Variants in TRANK1 observed in about 807,000 individuals in gnomAD.
The protein encoded by TRANK1 is TPR and ankyrin repeat-containing protein 1.
TRANK1 carries 198 observed loss-of-function variants against 266.0 expected under a neutral mutation model. That is an observed-to-expected ratio of 0.74 (90% CI 0.66 to 0.84). The LOEUF is 0.84. Ranked by LOEUF, TRANK1 falls within the 40% of genes least tolerant of loss-of-function variation. The probability of loss-of-function intolerance (pLI) is 0.00; values close to 1 mark genes in which losing one functional copy is unlikely to be tolerated. For missense variants in TRANK1, 3,326 were observed against 3,634.6 expected (o/e 0.92, Z 2.18); for synonymous variants, 1,396 against 1,384.1 (o/e 1.01, Z -0.19).
intron 9 of TRANK1, among the ~76,000 whole-genome samples, chr3:36,866,149 A>T (rs2079224757): frequency 1.3e-5 from 2 of 152,180 alleles, no homozygotes; most frequent in South Asian, 2.1e-4. Flanking sequence ...AAAATGACAA[A>T]TTTTTTTTAT....
At chr3:36,908,094 A>G (rs1298501835) in intron 2 of TRANK1, among the ~76,000 whole-genome samples, 2 of 152,234 alleles carry the variant, frequency 1.3e-5, no homozygotes, top group Non-Finnish European at 2.9e-5. Flanking sequence ...GCCAGCCAGA[A>G]CGGGAAGTTT....
intron 1 of TRANK1, among the ~76,000 whole-genome samples, chr3:36,937,724 G>A (rs1178352622): frequency 2.0e-5 from 3 of 152,154 alleles, no homozygotes; most frequent in African/African-American, 7.2e-5. Flanking sequence ...ATCTGTGCTA[G>A]GCCTAGGCTG....
chr3:36,838,714 A>C lies in TRANK1; in HGVS notation c.5283T>G (p.Val1761=). Residue 1761 remains valine, a splice_region_variant and synonymous_variant, in exon 19 of 24, where the codon GTT becomes GTG. Coordinates refer to ENST00000645898, the MANE Select transcript of TRANK1 (RefSeq NM_001329998.2). ...CTCCTTTCTGGTAACACTTGGCTGC[A>C]ACCTGGAATAGGCAAAAAGTTTTAT... ...DYYAKHQCWK[V]AAKCYQKGGA... The C allele has an allele frequency of 3.7e-6, 6 of 1,612,944 alleles. No homozygotes were observed. The highest frequency in any genetic ancestry group is 5.1e-6 in the Non-Finnish European group (6 of 1,179,462).
At chr3:36,879,609 A>AATATACAAATATATATAAAT (rs2079447817) in intron 8 of TRANK1, among the ~76,000 whole-genome samples, 1 of 94,472 alleles carries the variant, frequency 1.1e-5, no homozygotes, top group Non-Finnish European at 1.9e-5. Flanking sequence ...AATATATATA[A>AATATACAAATATATATAAAT]ATATACAAAT....
In TRANK1 at chr3:36,892,335, G is replaced by A. The variant is rs1048154280; in HGVS notation, c.642C>T (p.Tyr214=). The A allele has an allele frequency of 1.3e-5, 20 of 1,536,684 alleles. No individual in the cohort carries two copies. Among genetic ancestry groups the A allele is most frequent in the African/African-American group, 6.8e-5 (5 of 73,062 alleles). ...ELSLKSLFEK[Y]VFIGLYEKME... is the part of the protein sequence containing the mutation. ...TCTTCTCATAAAGTCCAATGAAAAC[G>A]TATTTCTGGGGAAAAAAAACACACA... Residue 214 remains tyrosine, a synonymous_variant, in exon 7 of 24, where the codon TAC becomes TAT. Coordinates refer to ENST00000645898, the MANE Select transcript of TRANK1 (RefSeq NM_001329998.2).
In TRANK1 at chr3:36,857,542, G is replaced by A. The variant is rs752868042; in HGVS notation, c.2180C>T (p.Ser727Leu). Residue 727 changes from serine (S) to leucine (L), a missense_variant, in exon 13 of 24, where the codon TCG becomes TTG. Coordinates refer to ENST00000645898, the MANE Select transcript of TRANK1 (RefSeq NM_001329998.2). This position sits in a 1 kb window ranked among gnomAD's most constrained non-coding sequence, Gnocchi z 4.3. The part of the protein sequence containing the change: ...RKEPGALRPC[S>L]LRDCLMQDIT... ...GTCCTGCATAAGGCAGTCTCTCAGC[G>A]AGCAGGGCCTGAGAGCTCCAGGCTC... 37 of 1,613,894 alleles carry A rather than the reference G, an allele frequency of 2.3e-5. No individual in the cohort carries two copies. The highest frequency in any genetic ancestry group is 2.6e-5 in the Non-Finnish European group (31 of 1,179,902).
rs1261379696 is a variant in TRANK1, at chr3:36,913,023, G to A, written c.24-4569C>T. On this transcript the variant is annotated intron_variant, in intron 1 of 23. Transcript: ENST00000645898. The stretch of plus-strand genomic sequence containing the variant: ...TCCAAGTTGAAGCTAGAAAGAGTAT[G>A]TCTCTTTTGTGTGTGTGTGTGTGTG... Among the ~76,000 whole-genome samples the A allele has an allele frequency of 2.5e-5, 3 of 122,408 alleles. No homozygotes were observed. The East Asian group carries it at 7.4e-4, about 30-fold the overall frequency. The allele number at this position is 122,408 out of a possible 152,430, so 80.3% of individuals were successfully genotyped here. A position where few individuals can be genotyped will look rare whatever the true frequency, so the allele number is the denominator to read the frequency against.
intron 2 of TRANK1, 41 bp downstream of exon 2, chr3:36,908,282 T>C (rs1396155551): frequency 1.6e-6 from 2 of 1,231,920 alleles, no homozygotes; most frequent in Non-Finnish European, 2.0e-6. Flanking sequence ...GAGTCCCATG[T>C]ACTGAAAAAG....
chr3:36,840,269 G>A (rs1005035009), intron 18 of TRANK1, among the ~76,000 whole-genome samples: 1 of 151,338 alleles, frequency 6.6e-6, no homozygotes, highest in South Asian at 2.1e-4. Context: ...TCATAACAAC[G>A]GCCAAACATT....
intron 1 of TRANK1, among the ~76,000 whole-genome samples, chr3:36,944,548 G>A (rs933457828): frequency 5.9e-5 from 9 of 152,226 alleles, no homozygotes; most frequent in Middle Eastern, 3.4e-3. Flanking sequence ...CAGTCCTGTC[G>A]CAGCGCGTGC....
rs1293582955 is a variant in TRANK1 at position 36,939,066 on chromosome 3, G to A, written c.23+5721C>T. ...GCAGGAGAATCGCTGGAACCCAGGAGGTGGAGGATGCAGTGAGCTGAGACC... is the reference window on the plus strand; with the variant it reads ...GCAGGAGAATCGCTGGAACCCAGGAAGTGGAGGATGCAGTGAGCTGAGACC... On this transcript the variant is annotated intron_variant, in intron 1 of 23. Transcript: ENST00000645898. Among the ~76,000 whole-genome samples the A allele has an allele frequency of 5.3e-5, 8 of 152,174 alleles. No homozygotes were observed. The East Asian group carries it at 1.2e-3, about 22-fold the overall frequency.
In TRANK1 at chr3:36,833,398, A is replaced by G; in HGVS notation, c.6185T>C (p.Val2062Ala). 6.2e-7 allele frequency: 1 copy of G among 1,613,498 alleles called. No individual in the cohort carries two copies. Among genetic ancestry groups the G allele is most frequent in the Non-Finnish European group, 8.5e-7 (1 of 1,179,730 alleles). ...GGCTGCTTCGTAGAGTGCTTCCACC[A>G]CTCCAGCTGAGTGGTTGAGCGTGTC... ...KFDTLNHSAG[V>A]VEALYEAASQ... is the part of the protein sequence containing the mutation. Residue 2062 changes from valine to alanine, a missense_variant, in exon 22 of 24, where the codon GTG becomes GCG. By Grantham distance (64) the Val-to-Ala change is moderately conservative. Transcript: ENST00000645898.
rs1559430224 is a variant in TRANK1 at position 36,855,996 on chromosome 3, CAG to C, written c.3724_3725del (p.Leu1242ValfsTer12). ...GAAGCAGCTGCTTGGAAGTGACAAA[CAG>C]AGGAAAGTTCTCGTCCCTCAGGTCC... ...LQDLRDENFPLFVTSKQLLLL... is the reference protein window; with the variant it reads ...LQDLRDENFPXFVTSKQLLLL... On this transcript the variant is annotated frameshift_variant, in exon 13 of 24. Coordinates refer to ENST00000645898, the MANE Select transcript of TRANK1 (RefSeq NM_001329998.2). LOFTEE classifies it high-confidence loss of function. The C allele has an allele frequency of 2.5e-6, 4 of 1,613,558 alleles. No individual in the cohort carries two copies. Among genetic ancestry groups the C allele is most frequent in the Non-Finnish European group, 2.5e-6 (3 of 1,179,870 alleles).
At chr3:36,862,117 T>C (rs1198714754) in intron 10 of TRANK1, among the ~76,000 whole-genome samples, 2 of 152,202 alleles carry the variant, frequency 1.3e-5, no homozygotes, top group Non-Finnish European at 2.9e-5. Context: ...AATAAATTTT[T>C]GTATAAGTAT....
At chr3:36,925,099 C>A (rs1432055537) in intron 1 of TRANK1, among the ~76,000 whole-genome samples, 1 of 152,176 alleles carries the variant, frequency 6.6e-6, no homozygotes, top group Non-Finnish European at 1.5e-5. Flanking sequence ...ACAAACTTTA[C>A]AGGAGGCACA....
intron 8 of TRANK1, among the ~76,000 whole-genome samples, chr3:36,874,504 C>T (rs1196605205): frequency 6.6e-6 from 1 of 152,064 alleles, no homozygotes; most frequent in African/African-American, 2.4e-5. Context: ...AGGACAATAG[C>T]TTTCAAGAGG....
intron 9 of TRANK1, 42 bp from the exon 10 acceptor site, chr3:36,864,522 G>T: frequency 6.7e-7 from 1 of 1,486,682 alleles, no homozygotes; most frequent in Non-Finnish European, 8.9e-7. Flanking sequence ...TACAGAAATT[G>T]CAGCTGTTAC....
In TRANK1 at chr3:36,830,922, C is replaced by A; in HGVS notation, c.8661G>T (p.Arg2887Ser). 1.9e-6 allele frequency: 3 copies of A among 1,613,666 alleles called. No individual in the cohort carries two copies. Among genetic ancestry groups the A allele is most frequent in the Non-Finnish European group, 2.5e-6 (3 of 1,179,660 alleles). ...MLQKVQEHIK[R>S]VSDMVEDLYR... ...AGAGGTCCTCCACCATATCCGAAAC[C>A]CTCTTGATGTGCTCCTGGACCTTCT... Residue 2887 changes from arginine to serine, a missense_variant, in exon 22 of 24, where the codon AGG (arginine) becomes AGT (serine). Physicochemically the swap from Arg to Ser is moderately radical, Grantham distance 110. Coordinates refer to ENST00000645898, the MANE Select transcript of TRANK1 (RefSeq NM_001329998.2).
intron 9 of TRANK1, 98 bp downstream of exon 9, chr3:36,874,028 G>A (rs1339840696): frequency 1.2e-4 from 112 of 937,836 alleles, no homozygotes; most frequent in South Asian, 2.0e-4. Context: ...ATATGTGTGT[G>A]TATATATATA....
Sources: gnomAD v4.1 joint callset for allele counts (sites outside exome capture counted in the v4.1 genomes callset) on GRCh38, gnomAD v4.1.1 for gene constraint, Gnocchi (gnomAD v3.1) non-coding constraint, MANE v1.5 for transcripts, NCBI Gene and HGNC (gene_info 2026-07-23, HGNC 2026-07-21) for gene names.